The following EHMT1 variants were observed in gnomAD, a reference collection of about 807,000 sequenced individuals.
The protein encoded by EHMT1 is euchromatic histone lysine methyltransferase 1, also known as histone-lysine N-methyltransferase EHMT1.
EHMT1 carries 15 observed loss-of-function variants against 147.2 expected under a neutral mutation model. The ratio of observed to expected loss-of-function variants is 0.10; its 90% CI spans 0.07 to 0.16. The LOEUF is 0.16. EHMT1 is among the 10% of genes least tolerant of loss of function. The pLI, the probability that EHMT1 is intolerant of heterozygous loss-of-function variation, is 1.00. For synonymous variants in EHMT1, 795 were observed against 709.6 expected, an observed-to-expected ratio of 1.12 and a Z score of -1.91; for missense variants, 1,587 against 1,772.4, an observed-to-expected ratio of 0.90 and a Z score of 1.88.
chr9:137,726,871 T>C (rs1946682262), intron 3 of EHMT1, among the ~76,000 whole-genome samples: 1 of 152,250 alleles, frequency 6.6e-6, no homozygotes, highest in South Asian at 2.1e-4. Context: ...CATCCTAGTG[T>C]GTGAATGGTA....
intron 3 of EHMT1, among the ~76,000 whole-genome samples, chr9:137,721,275 C>T (rs867394528): frequency 2.2e-4 from 20 of 89,414 alleles, no homozygotes; most frequent in African/African-American, 2.7e-4. Context: ...TCACACTCAC[C>T]CCTCCCAGAC....
At chr9:137,657,471 G>A (rs973068778) in intron 1 of EHMT1, among the ~76,000 whole-genome samples, 5 of 151,422 alleles carry the variant, frequency 3.3e-5, no homozygotes. Context: ...TGTTGGGATT[G>A]TAGGTGGGAG....
intron 25 of EHMT1, among the ~76,000 whole-genome samples, chr9:137,831,542 G>A (rs1214407744): frequency 6.6e-6 from 1 of 152,252 alleles, no homozygotes; most frequent in Non-Finnish European, 1.5e-5. Flanking sequence ...AGTGAATTTC[G>A]ATGTAGAATT....
chr9:137,751,151 T>C (rs2136171365), intron 6 of EHMT1, among the ~76,000 whole-genome samples: 1 of 152,318 alleles, frequency 6.6e-6, no homozygotes, highest in Non-Finnish European at 1.5e-5. Flanking sequence ...CAATATAAAA[T>C]ATTGAACTAT....
chr9:137,627,866 C>T (rs758411441), intron 1 of EHMT1, among the ~76,000 whole-genome samples: 7 of 152,010 alleles, frequency 4.6e-5, no homozygotes, highest in Non-Finnish European at 8.8e-5. Context: ...TGCACCACCA[C>T]GTGTGGCTAC....
intron 3 of EHMT1, among the ~76,000 whole-genome samples, chr9:137,719,666 G>A (rs964372158): frequency 9.9e-5 from 15 of 152,202 alleles, no homozygotes; most frequent in Non-Finnish European, 1.8e-4. Context: ...TTGATAACTA[G>A]AGGACAATGT....
In EHMT1 at chr9:137,775,262, C is replaced by G; in HGVS notation, c.1791+10C>G. 6.2e-7 allele frequency: 1 copy of G among 1,607,770 alleles called. No homozygotes were observed. Among genetic ancestry groups the G allele is most frequent in the Non-Finnish European group, 8.5e-7 (1 of 1,179,706 alleles). On this transcript the variant is annotated intron_variant, in intron 11 of 26. Transcript: ENST00000460843. This position sits in a 1 kb window ranked among gnomAD's most constrained non-coding sequence, Gnocchi z 6.1. ...CTACTTCTGCACAGCGGTAAGAGCCCAGTCCGGCAGCCTCTGAGTCCTCCG... is the reference window on the plus strand; with the variant it reads ...CTACTTCTGCACAGCGGTAAGAGCCGAGTCCGGCAGCCTCTGAGTCCTCCG...
At chr9:137,756,450 G>C (rs923220371) in intron 8 of EHMT1, among the ~76,000 whole-genome samples, 1 of 152,218 alleles carries the variant, frequency 6.6e-6, no homozygotes, top group African/African-American at 2.4e-5. Flanking sequence ...GAGTACCTCT[G>C]TTAACTGGAT....
At chr9:137,717,394 G>T in intron 3 of EHMT1, 1 of 688,730 alleles carries the variant, frequency 1.5e-6, no homozygotes, top group Admixed American at 2.6e-5. Context: ...CTTGAGCCTA[G>T]GAGTTTGAGA....
intron 16 of EHMT1, among the ~76,000 whole-genome samples, chr9:137,796,852 A>G (rs1257019956): frequency 7.4e-6 from 1 of 135,594 alleles, no homozygotes; most frequent in Non-Finnish European, 1.6e-5. Flanking sequence ...ACTGAATTCC[A>G]TACAACGTAA....
chr9:137,787,837 T>C lies in EHMT1; in HGVS notation c.2383-3011T>C, dbSNP rs1393200286. On this transcript the variant is annotated intron_variant, in intron 15 of 26. Transcript: ENST00000460843. This position sits in a 1 kb window ranked among gnomAD's most constrained non-coding sequence, Gnocchi z 4.2. ...GGGGCCACCCCCCAGTAGGCAGAGCTGGTTGACGGTGGACATTGGGGATAG... is the reference window on the plus strand; with the variant it reads ...GGGGCCACCCCCCAGTAGGCAGAGCCGGTTGACGGTGGACATTGGGGATAG... 5 of 1,002,736 alleles carry C rather than the reference T, an allele frequency of 5.0e-6. No individual in the cohort carries two copies. The East Asian group carries it at 1.2e-4, about 24-fold the overall frequency. The allele number at this position is 1,002,736 out of a possible 1,614,324, so 62.1% of individuals were successfully genotyped here.
At chr9:137,738,289 A>G (rs968735021) in intron 4 of EHMT1, among the ~76,000 whole-genome samples, 1 of 152,212 alleles carries the variant, frequency 6.6e-6, no homozygotes, top group Admixed American at 6.5e-5. Flanking sequence ...ACAAATGGCC[A>G]GTAAGCCCAT....
chr9:137,668,398 T>C (rs1489508878), intron 1 of EHMT1, among the ~76,000 whole-genome samples: 1 of 148,364 alleles, frequency 6.7e-6, no homozygotes, highest in Non-Finnish European at 1.5e-5. Context: ...CTGTCTACTA[T>C]CCACCTCACC....
Position 137,728,362 on chromosome 9 carries a change from A to G in EHMT1, c.656A>G (p.Lys219Arg), listed in dbSNP as rs1438229925. ...TTTGTTTTGAAGCATGCAGCCAGTA[A>G]AGATCCCAGAGAAGTTCGAGAAGCT... is the stretch of plus-strand genomic sequence containing the variant. ...KSVVGLHAASKDPREVREARD... is the reference protein window; with the variant it reads ...KSVVGLHAASRDPREVREARD... The change falls in exon 4 of 27, where the codon AAA (lysine) becomes AGA (arginine). Residue 219 changes from lysine (K) to arginine (R), a missense_variant. By Grantham distance (26) the Lys-to-Arg change is conservative. Around this residue, in one of 7 missense-constraint regions of EHMT1, gnomAD observed 810 missense variants for 673.0 expected, o/e 1.20. Coordinates refer to ENST00000460843, the MANE Select transcript of EHMT1 (RefSeq NM_024757.5). 3.1e-6 allele frequency: 5 copies of G among 1,614,230 alleles called. No homozygotes were observed. Among genetic ancestry groups the G allele is most frequent in the Admixed American group, 1.7e-5 (1 of 60,022 alleles).
chr9:137,811,678 C>T (rs571670115), intron 19 of EHMT1, 63 bp downstream of exon 19: 120 of 1,593,466 alleles, frequency 7.5e-5, no homozygotes, highest in Admixed American at 1.2e-4. Flanking sequence ...CCAGAGAGAC[C>T]GCTTGACAGT....
intron 7 of EHMT1, among the ~76,000 whole-genome samples, chr9:137,753,957 A>ATC (rs1465327673): frequency 6.6e-6 from 1 of 152,152 alleles, no homozygotes; most frequent in Non-Finnish European, 1.5e-5. Flanking sequence ...GTTTTGTTTT[A>ATC]TCTCTAAAGG....
At chr9:137,738,639 C>T (rs1947769027) in intron 4 of EHMT1, 2 of 152,114 alleles carry the variant, frequency 1.3e-5, no homozygotes, top group Non-Finnish European at 2.9e-5. Flanking sequence ...GGGGAAGCCA[C>T]CCGAGGGTCG....
chr9:137,776,773 G>T lies in EHMT1; in HGVS notation c.1947G>T (p.Ser649=). 6.2e-7 allele frequency: 1 copy of T among 1,613,996 alleles called. No homozygotes were observed. The highest frequency in any genetic ancestry group is 1.1e-5 in the South Asian group (1 of 91,052). ...CGATAGCTAAAGCAGACACCACCTCGACCGTGACACCAGTCCCCGGGCAGG... is the reference window on the plus strand; with the variant it reads ...CGATAGCTAAAGCAGACACCACCTCTACCGTGACACCAGTCCCCGGGCAGG... The part of the protein sequence containing the change: ...EVTIAKADTT[S]TVTPVPGQEK... Residue 649 remains serine, a synonymous_variant, in exon 12 of 27, where the codon TCG becomes TCT. Coordinates refer to ENST00000460843, the MANE Select transcript of EHMT1 (RefSeq NM_024757.5). This position sits in a 1 kb window ranked among gnomAD's most constrained non-coding sequence, Gnocchi z 4.4.
intron 13 of EHMT1, among the ~76,000 whole-genome samples, chr9:137,778,822 G>A (rs1203579490): frequency 6.6e-6 from 1 of 152,212 alleles, no homozygotes; most frequent in South Asian, 2.1e-4. Context: ...ATTGGCTCAC[G>A]GTTCTCCAGA....
Sources: gnomAD v4.1 joint callset for allele counts (sites outside exome capture counted in the v4.1 genomes callset) on GRCh38, gnomAD v4.1.1 for gene constraint, gnomAD v4.1.1 regional missense constraint, Gnocchi (gnomAD v3.1) non-coding constraint, MANE v1.5 for transcripts, NCBI Gene and HGNC (gene_info 2026-07-23, HGNC 2026-07-21) for gene names.